SPATS2L: variants seen among roughly 807,000 people sequenced by gnomAD.
SPATS2L encodes the protein SPATS2-like protein.
SPATS2L carries 30 observed loss-of-function variants against 59.6 expected under a neutral mutation model. The observed-to-expected ratio is 0.50, with a 90% CI of 0.38 to 0.68. The LOEUF (loss-of-function observed/expected upper bound fraction) is 0.68. Ranked by LOEUF, SPATS2L falls within the 30% of genes least tolerant of loss-of-function variation. The pLI, the probability that SPATS2L is intolerant of heterozygous loss-of-function variation, is 0.00. For missense variants in SPATS2L, 615 were observed against 700.0 expected, an observed-to-expected ratio of 0.88 and a Z score of 1.37; for synonymous variants, 252 against 263.5, an observed-to-expected ratio of 0.96 and a Z score of 0.42.
At position 200,416,385 on chromosome 2, in the gene SPATS2L, C is replaced by A. The variant is rs2083060755; in HGVS notation, c.155C>A (p.Ala52Glu). 6.8e-7 allele frequency: 1 copy of A among 1,479,914 alleles called. No individual in the cohort carries two copies. 91.7% of individuals were successfully genotyped at this position (1,479,914 alleles called of 1,614,324 possible). The change falls in exon 5 of 13, where the codon GCA (alanine) becomes GAA (glutamate). Residue 52 changes from alanine (A) to glutamate (E), a missense_variant. Physicochemically the swap from Ala to Glu is moderately radical, Grantham distance 107. Coordinates refer to ENST00000409140, the MANE Select transcript of SPATS2L (RefSeq NM_001100423.2). ...ATTCTTTGTCTTTATCTAGGCAGTG[C>A]AATTCAAGTTCTAAAAGAATGGAAT... is the stretch of plus-strand genomic sequence containing the variant. ...KAVQAFVDGS[A>E]IQVLKEWNMT...
At chr2:200,364,771 G>A (rs2081217310) in intron 2 of SPATS2L, among the ~76,000 whole-genome samples, 1 of 152,168 alleles carries the variant, frequency 6.6e-6, no homozygotes, top group Non-Finnish European at 1.5e-5. Context: ...TAGAGAGGTA[G>A]GGGAGGGAAG....
intron 3 of SPATS2L, among the ~76,000 whole-genome samples, chr2:200,394,635 G>A (rs914765165): frequency 3.3e-5 from 5 of 152,174 alleles, no homozygotes; most frequent in Admixed American, 1.3e-4. Flanking sequence ...GTTCTTTAGA[G>A]ACTTCATTTC....
At chr2:200,419,740 C>G (rs1412644054) in intron 6 of SPATS2L, among the ~76,000 whole-genome samples, 1 of 133,916 alleles carries the variant, frequency 7.5e-6, no homozygotes, top group Non-Finnish European at 1.6e-5. Context: ...GAGTCTGGGT[C>G]TTGCTGTGCA....
intron 2 of SPATS2L, among the ~76,000 whole-genome samples, chr2:200,385,609 G>A (rs1049826498): frequency 7.2e-5 from 11 of 152,058 alleles, no homozygotes; most frequent in Admixed American, 3.9e-4. Context: ...AGGACACACC[G>A]AAAATAACCT....
chr2:200,477,734 G>T lies in SPATS2L; in HGVS notation c.1380G>T (p.Glu460Asp). ...CGCAGGGCAGTGGGAATGAAGCCGA[G>T]CCACTGGGAAAGGGCAACAGCCGCC... ...AKSQGSGNEA[E>D]PLGKGNSRHE... Residue 460 changes from glutamate (E) to aspartate (D), a missense_variant, in exon 13 of 13, where the codon GAG becomes GAT. Physicochemically the swap from Glu to Asp is conservative, Grantham distance 45 (BLOSUM62 2). Around this residue, in one of 3 missense-constraint regions of SPATS2L, gnomAD observed 284 missense variants for 280.1 expected, o/e 1.01. Coordinates refer to ENST00000409140, the MANE Select transcript of SPATS2L (RefSeq NM_001100423.2). 1 of 1,572,596 alleles carries T rather than the reference G, an allele frequency of 6.4e-7. No individual in the cohort carries two copies. Among genetic ancestry groups the T allele is most frequent in the Non-Finnish European group, 8.6e-7 (1 of 1,158,824 alleles).
At chr2:200,422,133 C>A (rs531081728) in intron 6 of SPATS2L, among the ~76,000 whole-genome samples, 1 of 152,302 alleles carries the variant, frequency 6.6e-6, no homozygotes, top group South Asian at 2.1e-4. Flanking sequence ...ACAGTGATCC[C>A]ATTCTCCCTT....
intron 5 of SPATS2L, among the ~76,000 whole-genome samples, chr2:200,418,074 C>T (rs16833216): frequency 0.017 from 2,594 of 152,148 alleles, 76 homozygotes; most frequent in African/African-American, 0.06. Flanking sequence ...AGTAAAACTC[C>T]GCATTTTAGA....
At chr2:200,452,125 G>A (rs765233505) in intron 8 of SPATS2L, among the ~76,000 whole-genome samples, 2 of 152,126 alleles carry the variant, frequency 1.3e-5, no homozygotes, top group African/African-American at 4.8e-5. Context: ...GGAAGCGGGG[G>A]AGTCAGCATT....
chr2:200,312,399 T>C (rs553344618), intron 1 of SPATS2L, among the ~76,000 whole-genome samples: 1 of 152,308 alleles, frequency 6.6e-6, no homozygotes, highest in African/African-American at 2.4e-5. Context: ...TCTGATTCTG[T>C]GGAACGGAGT....
chr2:200,345,841 T>C (rs2080494401), intron 2 of SPATS2L, among the ~76,000 whole-genome samples: 1 of 152,240 alleles, frequency 6.6e-6, no homozygotes. Context: ...GGAGCGCTTA[T>C]GGTGAGGGTT....
intron 3 of SPATS2L, among the ~76,000 whole-genome samples, chr2:200,399,868 A>C (rs1392119091): frequency 6.6e-6 from 1 of 152,220 alleles, no homozygotes; most frequent in East Asian, 1.9e-4. Context: ...ACTAAAAAAT[A>C]ATTAACTCCT....
chr2:200,444,722 C>T (rs927965096), intron 8 of SPATS2L, among the ~76,000 whole-genome samples: 1 of 152,104 alleles, frequency 6.6e-6, no homozygotes, highest in African/African-American at 2.4e-5. Context: ...TCCCCGCACC[C>T]TGAGCCCTGG....
At chr2:200,420,756 TTATATA>T (rs1049159027) in intron 6 of SPATS2L, among the ~76,000 whole-genome samples, 10 of 152,104 alleles carry the variant, frequency 6.6e-5, no homozygotes, top group African/African-American at 2.4e-4. Context: ...ACTCACATAA[TTATATA>T]TATATTTTTT....
chr2:200,395,170 A>T (rs1455584659), intron 3 of SPATS2L, among the ~76,000 whole-genome samples: 1 of 152,230 alleles, frequency 6.6e-6, no homozygotes, highest in East Asian at 1.9e-4. Flanking sequence ...GGTAAATTAG[A>T]TTTATAAATG....
intron 4 of SPATS2L, among the ~76,000 whole-genome samples, chr2:200,415,037 C>G (rs1407612028): frequency 6.6e-6 from 1 of 152,150 alleles, no homozygotes; most frequent in Non-Finnish European, 1.5e-5. Flanking sequence ...TTATTATTAA[C>G]CAAGACTTAC....
chr2:200,403,907 G>T (rs992944830), intron 3 of SPATS2L, among the ~76,000 whole-genome samples: 3 of 151,818 alleles, frequency 2.0e-5, no homozygotes, highest in Non-Finnish European at 4.4e-5. Context: ...GCCCCAAAGC[G>T]AATTCTAAAA....
chr2:200,471,369 C>G (rs1435062162), intron 11 of SPATS2L, among the ~76,000 whole-genome samples: 1 of 152,106 alleles, frequency 6.6e-6, no homozygotes, highest in Non-Finnish European at 1.5e-5. Flanking sequence ...ACCCTCTTTT[C>G]CACTTCAGCC....
At chr2:200,307,016 T>TGGGCCGAGCATTCCGCAGCCC in intron 1 of SPATS2L, 94 bp downstream of exon 1, 1 of 956,796 alleles carries the variant, frequency 1.0e-6, no homozygotes, top group African/African-American at 1.8e-5. Flanking sequence ...GAGACTCGGC[T>TGGGCCGAGCATTCCGCAGCCC]GGGCCGAGCA....
intron 11 of SPATS2L, 126 bp from the exon 12 acceptor site, chr2:200,472,706 G>T: frequency 1.2e-6 from 1 of 802,232 alleles, no homozygotes. Flanking sequence ...TCTTTCAAAA[G>T]AAAACTTTTT....
Sources: gnomAD v4.1 joint callset for allele counts (sites outside exome capture counted in the v4.1 genomes callset) on GRCh38, gnomAD v4.1.1 for gene constraint, gnomAD v4.1.1 regional missense constraint, MANE v1.5 for transcripts, NCBI Gene and HGNC (gene_info 2026-07-23, HGNC 2026-07-21) for gene names.